OR1L8: variants seen among roughly 807,000 people sequenced by gnomAD.
OR1L8 encodes olfactory receptor family 1 subfamily L member 8.
For missense variants in OR1L8, 330 were observed against 377.4 expected (o/e 0.87, Z 1.04); for synonymous variants, 148 against 147.0 (o/e 1.01, Z -0.05).
chr9:122,553,336 T>A, the OR1L8 span: 1 of 1,614,054 alleles, frequency 6.2e-7, no homozygotes, highest in South Asian at 1.1e-5. Flanking sequence ...CTGGTCACCA[T>A]GGTGGGGAAC....
the OR1L8 span, among the ~76,000 whole-genome samples, chr9:122,550,040 A>G: frequency 0.38 from 57,568 of 151,844 alleles, 11,290 homozygotes; most frequent in East Asian, 0.54. Context: ...TTCTTTCTTC[A>G]GTGTTTTGTA....
rs1224423789 is a variant in OR1L8, at chr9:122,578,445, T to C, written c.-599A>G. The C allele has an allele frequency of 3.0e-5, 2 of 66,978 alleles. No homozygotes were observed. The highest frequency in any genetic ancestry group is 1.3e-4 in the African/African-American group (2 of 15,724). The allele number at this position is 66,978 out of a possible 1,614,324, so 4.1% of individuals were successfully genotyped here. On this transcript the variant is annotated splice_region_variant and 5_prime_UTR_variant, in exon 2 of 5. The change abolishes an upstream ATG in the 5' untranslated region. Transcript: ENST00000641027. ...GCCTGGGCGACAGTGCAAGACTCCA[T>C]CTCAAAAAAAAAAAAAAAAAGACAT...
the OR1L8 span, chr9:122,553,636 A>T: frequency 6.2e-7 from 1 of 1,614,044 alleles, no homozygotes; most frequent in South Asian, 1.1e-5. Flanking sequence ...ATGAGTCCCC[A>T]GCTCTGTGCA....
At chr9:122,553,281 C>A in the OR1L8 span, 1 of 1,613,764 alleles carries the variant, frequency 6.2e-7, no homozygotes, top group Non-Finnish European at 8.5e-7. Context: ...CTCTGAGTGG[C>A]CAGAGGAGCA....
chr9:122,557,360 T>TA, the OR1L8 span, among the ~76,000 whole-genome samples: 1 of 152,150 alleles, frequency 6.6e-6, no homozygotes, highest in Non-Finnish European at 1.5e-5. Flanking sequence ...CTGTAGTTTT[T>TA]AAAATAGATA....
At chr9:122,581,346 C>T (rs1343364279) in intron 1 of OR1L8, among the ~76,000 whole-genome samples, 1 of 151,196 alleles carries the variant, frequency 6.6e-6, no homozygotes, top group Non-Finnish European at 1.5e-5. Context: ...AGCCTGGCGA[C>T]AGAGCAAGAC....
chr9:122,569,347 G>A (rs1427771143), intron 4 of OR1L8, among the ~76,000 whole-genome samples: 1 of 151,952 alleles, frequency 6.6e-6, no homozygotes, highest in Non-Finnish European at 1.5e-5. Flanking sequence ...ATATATATGA[G>A]AAACATGTTA....
At chr9:122,551,023 A>T in the OR1L8 span, among the ~76,000 whole-genome samples, 1 of 149,580 alleles carries the variant, frequency 6.7e-6, no homozygotes. Context: ...AGATTCCTCC[A>T]GAAGACTCCT....
chr9:122,556,785 A>G, the OR1L8 span, among the ~76,000 whole-genome samples: 1 of 152,186 alleles, frequency 6.6e-6, no homozygotes, highest in Non-Finnish European at 1.5e-5. Flanking sequence ...GATATCCACA[A>G]AGTAACTTGC....
the OR1L8 span, among the ~76,000 whole-genome samples, chr9:122,546,543 G>A: frequency 6.8e-4 from 104 of 152,174 alleles, no homozygotes; most frequent in African/African-American, 2.3e-3. Flanking sequence ...ACAAACAAAC[G>A]GAGAATGCAG....
the OR1L8 span, chr9:122,553,425 A>C: frequency 6.2e-7 from 1 of 1,614,064 alleles, no homozygotes; most frequent in Admixed American, 1.7e-5. Flanking sequence ...CCTGTCATTA[A>C]CTGATGCCTG....
chr9:122,554,301 AAG>A, the OR1L8 span: 1 of 659,282 alleles, frequency 1.5e-6, no homozygotes, highest in Non-Finnish European at 2.5e-6. Flanking sequence ...AAAAAAAAAA[AAG>A]AGTGTTTCAT....
the OR1L8 span, chr9:122,553,777 A>G: frequency 1.6e-4 from 260 of 1,613,946 alleles, no homozygotes; most frequent in South Asian, 3.2e-4. Flanking sequence ...GCTCTCCTGA[A>G]GCTTGCCTGC....
the OR1L8 span, among the ~76,000 whole-genome samples, chr9:122,555,603 T>C: frequency 6.6e-6 from 1 of 152,186 alleles, no homozygotes; most frequent in Non-Finnish European, 1.5e-5. Flanking sequence ...AGTCTATTTA[T>C]ATATAAAGAT....
At chr9:122,561,306 T>G in the OR1L8 span, among the ~76,000 whole-genome samples, 1 of 152,170 alleles carries the variant, frequency 6.6e-6, no homozygotes. Context: ...TCAGCAGAGT[T>G]TGTTATTACC....
chr9:122,570,299 G>A (rs568434229), intron 4 of OR1L8, among the ~76,000 whole-genome samples: 4 of 152,092 alleles, frequency 2.6e-5, no homozygotes, highest in Non-Finnish European at 5.9e-5. Flanking sequence ...CCCACCAACA[G>A]TGTAAAATTG....
At chr9:122,568,710 T>A (rs1220133409) in intron 4 of OR1L8, 21 bp from the exon 5 acceptor site, 2 of 406,938 alleles carry the variant, frequency 4.9e-6, no homozygotes, top group Non-Finnish European at 8.6e-6. Flanking sequence ...AGAGGGAGAG[T>A]TTTCCTTTAG....
the OR1L8 span, chr9:122,553,279 G>A: frequency 6.2e-6 from 10 of 1,613,720 alleles, 1 homozygote; most frequent in South Asian, 3.3e-5. Flanking sequence ...CTCTCTGAGT[G>A]GCCAGAGGAG....
At chr9:122,581,973 G>T (rs940215703) in intron 1 of OR1L8, among the ~76,000 whole-genome samples, 1 of 152,108 alleles carries the variant, frequency 6.6e-6, no homozygotes, top group Non-Finnish European at 1.5e-5. Context: ...ATTTCTTAAA[G>T]CTTCACAAGA....
Sources: gnomAD v4.1 joint callset for allele counts (sites outside exome capture counted in the v4.1 genomes callset) on GRCh38, gnomAD v4.1.1 for gene constraint, MANE v1.5 for transcripts, NCBI Gene and HGNC (gene_info 2026-07-23, HGNC 2026-07-21) for gene names.